Variants in DBF4B observed in about 807,000 individuals in gnomAD.
The protein encoded by DBF4B is protein DBF4 homolog B.
DBF4B carries 49 observed loss-of-function variants against 53.4 expected under a neutral mutation model. The observed-to-expected ratio is 0.92, with a 90% CI of 0.73 to 1.16. The LOEUF is 1.16. DBF4B is among the 50% of genes most tolerant of loss of function. DBF4B has a pLI of 0.00. For synonymous variants in DBF4B, 257 were observed against 288.7 expected (o/e 0.89, Z 1.11); for missense variants, 692 against 775.0 (o/e 0.89, Z 1.27).
intron 9 of DBF4B, among the ~76,000 whole-genome samples, chr17:44,740,758 G>A (rs975624238): frequency 1.3e-5 from 2 of 152,200 alleles, no homozygotes; most frequent in Non-Finnish European, 2.9e-5. Flanking sequence ...AACCTCTTGG[G>A]CTTCATTTCC....
intron 3 of DBF4B, among the ~76,000 whole-genome samples, chr17:44,727,719 C>T (rs890582923): frequency 9.9e-5 from 15 of 152,102 alleles, no homozygotes; most frequent in Admixed American, 4.6e-4. Context: ...TATTTTTAGA[C>T]AAAGTTTTGC....
chr17:44,714,986 T>C (rs1014204499), intron 2 of DBF4B, among the ~76,000 whole-genome samples: 5 of 152,186 alleles, frequency 3.3e-5, no homozygotes, highest in Non-Finnish European at 7.3e-5. Flanking sequence ...TCTTCAGTAT[T>C]CTGAAATTCC....
At chr17:44,740,834 T>C (rs185797080) in intron 9 of DBF4B, among the ~76,000 whole-genome samples, 1 of 152,176 alleles carries the variant, frequency 6.6e-6, no homozygotes, top group Non-Finnish European at 1.5e-5. Flanking sequence ...TGGTATGAGT[T>C]TGAAAAGTAG....
intron 1 of DBF4B, 66 bp downstream of exon 1, chr17:44,708,905 G>C: frequency 6.5e-7 from 1 of 1,542,410 alleles, no homozygotes; most frequent in Non-Finnish European, 8.8e-7. Context: ...GCGAGGTGCG[G>C]AGTCGTGGAG....
intron 2 of DBF4B, among the ~76,000 whole-genome samples, chr17:44,715,059 A>G (rs1344244123): frequency 6.6e-6 from 1 of 152,062 alleles, no homozygotes; most frequent in African/African-American, 2.4e-5. Context: ...TCAATCTGTA[A>G]CATCATTTTC....
At position 44,749,974 on chromosome 17, in the gene DBF4B, C is replaced by T; in HGVS notation, c.1190-621C>T. ...CTGCACCACTCACAGAGCTCCCTCC[C>T]CCAGGCACTTAGTTGGGGCCCAGCA... is the stretch of plus-strand genomic sequence containing the variant. On this transcript the variant is annotated intron_variant, in intron 13 of 13. Transcript: ENST00000315005. The surrounding 1 kb of genome is among the most constrained non-coding windows in gnomAD (Gnocchi z 4.4). The T allele has an allele frequency of 2.0e-6, 2 of 1,006,210 alleles. No homozygotes were observed. The highest frequency in any genetic ancestry group is 2.4e-6 in the Non-Finnish European group (2 of 841,868). The allele number at this position is 1,006,210 out of a possible 1,614,324, so 62.3% of individuals were successfully genotyped here.
chr17:44,747,918 G>A (rs545735272), intron 12 of DBF4B, among the ~76,000 whole-genome samples: 2 of 152,184 alleles, frequency 1.3e-5, no homozygotes, highest in African/African-American at 4.8e-5. Context: ...GAATTCCAGG[G>A]CCCTCTGAGC....
intron 9 of DBF4B, among the ~76,000 whole-genome samples, chr17:44,739,166 A>C (rs1975752629): frequency 6.6e-6 from 1 of 152,220 alleles, no homozygotes; most frequent in Non-Finnish European, 1.5e-5. Flanking sequence ...TGTTAACCTA[A>C]TGAGCTATTA....
chr17:44,748,668 C>T, intron 13 of DBF4B: 2 of 1,465,630 alleles, frequency 1.4e-6, no homozygotes, highest in Non-Finnish European at 1.8e-6. Context: ...TGGAACTCTC[C>T]TCTGGCCCAG....
intron 2 of DBF4B, among the ~76,000 whole-genome samples, chr17:44,711,487 A>T (rs1022113233): frequency 6.6e-6 from 1 of 151,974 alleles, no homozygotes; most frequent in African/African-American, 2.4e-5. Flanking sequence ...GCATGTCTCC[A>T]CACCTGGCTT....
At chr17:44,737,459 A>C (rs527972782) in intron 8 of DBF4B, among the ~76,000 whole-genome samples, 2 of 152,352 alleles carry the variant, frequency 1.3e-5, no homozygotes, top group East Asian at 3.9e-4. Flanking sequence ...TGTCTCAGTT[A>C]ATTAGAAAGA....
chr17:44,750,475 C>A, intron 13 of DBF4B, 120 bp from the exon 14 acceptor site: 1 of 1,472,606 alleles, frequency 6.8e-7, no homozygotes, highest in East Asian at 2.4e-5. Context: ...TCATGTTACC[C>A]CCTTCCTGTT....
chr17:44,743,230 A>G (rs1036749720), intron 10 of DBF4B, among the ~76,000 whole-genome samples: 2 of 152,200 alleles, frequency 1.3e-5, no homozygotes, highest in East Asian at 3.8e-4. Flanking sequence ...AAGCTTTGGT[A>G]TCTGCATGTG....
chr17:44,733,472 T>A (rs2144982898), intron 6 of DBF4B, among the ~76,000 whole-genome samples: 1 of 152,322 alleles, frequency 6.6e-6, no homozygotes, highest in African/African-American at 2.4e-5. Flanking sequence ...CCCAGCTCCA[T>A]TCTTGAGTCT....
Position 44,743,096 on chromosome 17 carries a change from AAGGGATACC to A in DBF4B, c.830+1650_830+1658del, listed in dbSNP as rs1159420822. On this transcript the variant is annotated intron_variant, in intron 10 of 13. Transcript: ENST00000315005. ...AAGAGGTGAGGTTAAGTCCCAATAC[AAGGGATACC>A]AGGGAGAGCCAGTCAGAAGGTGGCC... Among the ~76,000 whole-genome samples the A allele has an allele frequency of 2.6e-5, 4 of 152,352 alleles. No individual in the cohort carries two copies. In the East Asian group the frequency reaches 7.7e-4, roughly 29 times the overall value.
chr17:44,708,774 A>C lies in DBF4B; in HGVS notation c.-47A>C. The C allele has an allele frequency of 1.3e-6, 2 of 1,547,360 alleles. No homozygotes were observed. The highest frequency in any genetic ancestry group is 2.0e-5 in the Admixed American group (1 of 50,564). ...CATGGAGCTCGCGAATGTAATACGG[A>C]GGCCTCTGAGGAAGGAGTACGGAGG... On this transcript the variant is annotated 5_prime_UTR_variant, in exon 1 of 14. Coordinates refer to ENST00000315005, the MANE Select transcript of DBF4B (RefSeq NM_145663.3).
intron 9 of DBF4B, among the ~76,000 whole-genome samples, chr17:44,739,486 C>G (rs1352913959): frequency 6.6e-6 from 1 of 152,184 alleles, no homozygotes; most frequent in Non-Finnish European, 1.5e-5. Flanking sequence ...CAGTGCTGCG[C>G]TGGCTTTGGT....
intron 2 of DBF4B, chr17:44,719,678 T>TATCC (rs1973653576): frequency 6.4e-6 from 1 of 156,276 alleles, no homozygotes; most frequent in African/African-American, 2.4e-5. Flanking sequence ...ACATTTTGTT[T>TATCC]ATCCATTCAT....
chr17:44,736,867 G>A lies in DBF4B; in HGVS notation c.667+1G>A. ...GCAGCAGAGTCAAGAACACGGAAAG[G>A]TCAGTGTGGTAGCTTTTCCTCATCT... On this transcript the variant is annotated splice_donor_variant, in intron 8 of 13. Transcript: ENST00000315005. LOFTEE classifies it high-confidence loss of function. 7.4e-6 allele frequency: 12 copies of A among 1,613,970 alleles called. No individual in the cohort carries two copies. Among genetic ancestry groups the A allele is most frequent in the Non-Finnish European group, 9.3e-6 (11 of 1,179,942 alleles).
Sources: gnomAD v4.1 joint callset for allele counts (sites outside exome capture counted in the v4.1 genomes callset) on GRCh38, gnomAD v4.1.1 for gene constraint, Gnocchi (gnomAD v3.1) non-coding constraint, MANE v1.5 for transcripts, NCBI Gene and HGNC (gene_info 2026-07-23, HGNC 2026-07-21) for gene names.